BRWD3: variants seen among roughly 807,000 people sequenced by gnomAD.
BRWD3 encodes bromodomain and WD repeat domain containing 3.
In BRWD3, 10 loss-of-function variants were observed where a neutral mutation model predicts 149.7. The observed-to-expected ratio is 0.07, with a 90% confidence interval of 0.04 to 0.11. BRWD3 has a LOEUF of 0.11. BRWD3 is among the 10% of genes least tolerant of loss of function. BRWD3 has a pLI of 1.00. For synonymous variants in BRWD3, 504 were observed against 456.7 expected (o/e 1.10, Z -1.32); for missense variants, 940 against 1,373.2 (o/e 0.68, Z 4.99).
chrX:80,682,446 T>C lies in BRWD3; in HGVS notation c.4397+19A>G. The C allele has an allele frequency of 8.3e-7, 1 of 1,204,229 alleles. No homozygotes were observed. Among genetic ancestry groups the C allele is most frequent in the Non-Finnish European group, 1.1e-6 (1 of 889,116 alleles). On this transcript the variant is annotated intron_variant, in intron 38 of 40. Coordinates refer to ENST00000373275, the MANE Select transcript of BRWD3 (RefSeq NM_153252.5). ...AAAATGCTTTGAGAACAAAAAATGTTGCATCAATGTAATGATACCTAGGTG... is the reference window on the plus strand; with the variant it reads ...AAAATGCTTTGAGAACAAAAAATGTCGCATCAATGTAATGATACCTAGGTG...
chrX:80,751,981 C>CATTATTATTATTATT (rs199879142), intron 6 of BRWD3, among the ~76,000 whole-genome samples: 29 of 87,740 alleles, frequency 3.3e-4, no homozygotes, highest in African/African-American at 1.2e-3. Flanking sequence ...ATTCATATTT[C>CATTATTATTATTATT]ATTATTATTA....
intron 13 of BRWD3, 139 bp from the exon 14 acceptor site, chrX:80,729,044 T>C: frequency 1.9e-6 from 1 of 514,029 alleles, no homozygotes. Flanking sequence ...CGTTAAGTAT[T>C]CATGAAAGAA....
Position 80,728,893 on chromosome X carries a change from T to A in BRWD3, c.1245A>T (p.Pro415=), listed in dbSNP as rs1452721030. Residue 415 remains proline (P), a synonymous_variant, in exon 14 of 41, where the codon CCA becomes CCT. Coordinates refer to ENST00000373275, the MANE Select transcript of BRWD3 (RefSeq NM_153252.5). ...GTTTAGTGATCTTGTCTTCTCCAGATGGCAAATTATTGCTAAACAAAACAA... is the reference window on the plus strand; with the variant it reads ...GTTTAGTGATCTTGTCTTCTCCAGAAGGCAAATTATTGCTAAACAAAACAA... ...MATKMTGNNL[P]SGEDKITKLK... 1 of 1,207,676 alleles carries A rather than the reference T, an allele frequency of 8.3e-7. No homozygotes were observed. The highest frequency in any genetic ancestry group is 1.1e-6 in the Non-Finnish European group (1 of 893,221).
intron 6 of BRWD3, among the ~76,000 whole-genome samples, chrX:80,771,644 G>GCA (rs749434547): frequency 2.1e-4 from 24 of 111,764 alleles, no homozygotes; most frequent in Non-Finnish European, 3.8e-4. Context: ...AAGAGCTTCT[G>GCA]CACAACAAAA....
intron 12 of BRWD3, 76 bp from the exon 13 acceptor site, chrX:80,730,096 A>G: frequency 1.5e-6 from 1 of 676,712 alleles, no homozygotes; most frequent in South Asian, 2.3e-5. Flanking sequence ...TAAGTAACAC[A>G]TTAGCCCTCA....
chrX:80,729,650 GAGAAT>G (rs1428950870), intron 13 of BRWD3, among the ~76,000 whole-genome samples: 4 of 111,303 alleles, frequency 3.6e-5, no homozygotes, highest in Non-Finnish European at 1.9e-5. Context: ...AACTAAGGCA[GAGAAT>G]GGCTCTGTAG....
rs2072349910 is a variant in BRWD3 at position 80,674,874 on chromosome X, G to A, written c.*1735C>T. On this transcript the variant is annotated 3_prime_UTR_variant, in exon 41 of 41. Transcript: ENST00000373275. ...ACCAAAAAAGCAAAGTTTTATGTGT[G>A]TACGCCTTCCTCTGCACTTAAGGGT... 8.9e-6 allele frequency: 1 copy of A among 111,866 alleles called. No individual in the cohort carries two copies. The highest frequency in any genetic ancestry group is 1.9e-5 in the Non-Finnish European group (1 of 53,066). The allele number at this position is 111,866 out of a possible 1,213,427, so 9.2% of individuals were successfully genotyped here.
chrX:80,677,877 T>C (rs1419537640), intron 40 of BRWD3, among the ~76,000 whole-genome samples: 1 of 111,738 alleles, frequency 8.9e-6, no homozygotes, highest in Admixed American at 9.5e-5. Flanking sequence ...GAAGGGAATG[T>C]ATTTTAGATA....
intron 6 of BRWD3, among the ~76,000 whole-genome samples, chrX:80,772,639 GAAGA>G (rs2073957885): frequency 9.0e-6 from 1 of 110,598 alleles, no homozygotes; most frequent in East Asian, 2.8e-4. Flanking sequence ...AAATGATCCT[GAAGA>G]AAGTAATTAA....
At chrX:80,728,711 C>T (rs1159539167) in intron 14 of BRWD3, 41 bp downstream of exon 14, 2 of 1,114,108 alleles carry the variant, frequency 1.8e-6, no homozygotes, top group Non-Finnish European at 2.4e-6. Flanking sequence ...AAATAATGTG[C>T]TTTTTGACCA....
intron 4 of BRWD3, among the ~76,000 whole-genome samples, chrX:80,800,724 G>GA (rs1298482316): frequency 1.8e-5 from 2 of 110,000 alleles, no homozygotes; most frequent in African/African-American, 3.3e-5. Flanking sequence ...TGCTGAATTT[G>GA]AAAGAGAAGT....
rs1455210672 is a variant in BRWD3 at position 80,676,675 on chromosome X, T to C, written c.5343A>G (p.Arg1781=). 3.3e-6 allele frequency: 4 copies of C among 1,210,939 alleles called. No homozygotes were observed. Among genetic ancestry groups the C allele is most frequent in the South Asian group, 3.5e-5 (2 of 56,942 alleles). Residue 1781 remains arginine (R), a synonymous_variant, in exon 41 of 41, where the codon AGA becomes AGG. Transcript: ENST00000373275. ...CTGTCATTTTACGCACTCTGCCTGA[T>C]CTGGATGTACCAAGATTCAGAGGAT... ...TEDPLNLGTS[R]SGRVRKMTEK...
chrX:80,732,121 T>C (rs1216529064), intron 12 of BRWD3, among the ~76,000 whole-genome samples: 3 of 111,189 alleles, frequency 2.7e-5, no homozygotes, highest in Non-Finnish European at 3.8e-5. Context: ...ATAAGGTATA[T>C]ATGAAACATA....
At chrX:80,773,610 C>T (rs2073970195) in intron 6 of BRWD3, among the ~76,000 whole-genome samples, 1 of 111,676 alleles carries the variant, frequency 9.0e-6, no homozygotes, top group African/African-American at 3.3e-5. Flanking sequence ...GATAGGCACT[C>T]AGGTATTAAC....
In BRWD3 at chrX:80,671,232, T is replaced by G. The variant is rs1235174456; in HGVS notation, c.*5377A>C. 1 of 112,164 alleles carries G rather than the reference T, an allele frequency of 8.9e-6. No individual in the cohort carries two copies. The highest frequency in any genetic ancestry group is 3.2e-5 in the African/African-American group (1 of 30,902). 9.2% of individuals were successfully genotyped at this position (112,164 alleles called of 1,213,427 possible). A position where few individuals can be genotyped will look rare whatever the true frequency, so the allele number is the denominator to read the frequency against. ...AAATGTTGACAAATGCTTTGCAGGC[T>G]GTTATTGAATGCACCAAGCAGCCCA... is the stretch of plus-strand genomic sequence containing the variant. On this transcript the variant is annotated 3_prime_UTR_variant, in exon 41 of 41. Transcript: ENST00000373275.
In BRWD3 at chrX:80,691,070, A is replaced by G; in HGVS notation, c.3585T>C (p.Leu1195=). ...PTDLNTIRRR[L]ENRFYRRISA... is the part of the protein sequence containing the mutation. ...AAACAGACCTGTAAAAGCGATTTTC[A>G]AGTCTCCGCCTGATGGTATTGAGGT... The change falls in exon 31 of 41, where the codon CTT becomes CTC. Residue 1195 remains leucine (L), a synonymous_variant. Coordinates refer to ENST00000373275, the MANE Select transcript of BRWD3 (RefSeq NM_153252.5). 2 of 1,209,626 alleles carry G rather than the reference A, an allele frequency of 1.7e-6. No homozygotes were observed. Among genetic ancestry groups the G allele is most frequent in the Non-Finnish European group, 1.1e-6 (1 of 894,343 alleles).
At chrX:80,741,260 T>C (rs1344073071) in intron 8 of BRWD3, among the ~76,000 whole-genome samples, 3 of 112,168 alleles carry the variant, frequency 2.7e-5, no homozygotes, top group Non-Finnish European at 5.6e-5. Context: ...TATGGCTGCA[T>C]AGTATTCCAT....
intron 6 of BRWD3, among the ~76,000 whole-genome samples, chrX:80,769,215 C>A (rs936631240): frequency 9.0e-6 from 1 of 111,105 alleles, no homozygotes; most frequent in South Asian, 3.8e-4. Flanking sequence ...TATCCAGGAA[C>A]TGAACTCAGC....
intron 20 of BRWD3, among the ~76,000 whole-genome samples, chrX:80,713,034 C>T (rs1264780473): frequency 9.2e-6 from 1 of 108,533 alleles, no homozygotes; most frequent in African/African-American, 3.4e-5. Context: ...GCCAGCCCCC[C>T]GCCCGGCCAG....
Sources: gnomAD v4.1 joint callset for allele counts (sites outside exome capture counted in the v4.1 genomes callset) on GRCh38, gnomAD v4.1.1 for gene constraint, MANE v1.5 for transcripts, NCBI Gene and HGNC (gene_info 2026-07-23, HGNC 2026-07-21) for gene names.